PPIL3: variants seen among roughly 807,000 people sequenced by gnomAD.
The protein encoded by PPIL3 is peptidyl-prolyl cis-trans isomerase-like 3.
Under a neutral mutation model 20.9 loss-of-function variants are expected in PPIL3, and 13 were observed. That is an observed-to-expected ratio of 0.62 (90% CI 0.40 to 0.99). PPIL3 has a LOEUF of 0.99. Ranked by LOEUF, PPIL3 falls within the 50% of genes least tolerant of loss-of-function variation. The pLI is 0.00. For synonymous variants in PPIL3, 71 were observed against 64.4 expected (o/e 1.10, Z -0.49); for missense variants, 170 against 195.2 (o/e 0.87, Z 0.77).
In PPIL3 at chr2:200,888,967, C is replaced by G. The variant is rs1208746179; in HGVS notation, c.-82G>C. On this transcript the variant is annotated 5_prime_UTR_variant, in exon 1 of 7. Transcript: ENST00000392283. ...ACGTTACTCCATACTTGGGCTTCAC[C>G]ACTTCGTCTAGCACAGCCGTTGTTA... 2 of 471,070 alleles carry G rather than the reference C, an allele frequency of 4.2e-6. No homozygotes were observed. Among genetic ancestry groups the G allele is most frequent in the African/African-American group, 4.0e-5 (2 of 50,084 alleles). 29.2% of individuals were successfully genotyped at this position (471,070 alleles called of 1,614,324 possible).
intron 6 of PPIL3, among the ~76,000 whole-genome samples, chr2:200,875,979 C>T (rs553145588): frequency 6.6e-6 from 1 of 152,072 alleles, no homozygotes; most frequent in South Asian, 2.1e-4. Context: ...ATGACAGAGG[C>T]GCCTAGAACA....
intron 5 of PPIL3, among the ~76,000 whole-genome samples, chr2:200,877,323 T>C: frequency 6.6e-6 from 1 of 152,224 alleles, no homozygotes. Flanking sequence ...CCAACTTCTC[T>C]CTATTAGGGA....
At chr2:200,881,047 A>G (rs1320063083) in intron 5 of PPIL3, among the ~76,000 whole-genome samples, 1 of 152,222 alleles carries the variant, frequency 6.6e-6, no homozygotes, top group African/African-American at 2.4e-5. Context: ...AATGGGCAAC[A>G]TTGCAACCAG....
intron 6 of PPIL3, among the ~76,000 whole-genome samples, chr2:200,873,993 C>G (rs1056835009): frequency 6.6e-6 from 1 of 151,390 alleles, no homozygotes; most frequent in Non-Finnish European, 1.5e-5. Flanking sequence ...ATCACGAGGT[C>G]GGGAGATTGA....
At chr2:200,885,599 A>G in intron 3 of PPIL3, 99 bp downstream of exon 3, 1 of 791,310 alleles carries the variant, frequency 1.3e-6, no homozygotes. Context: ...ATGGTTTTAC[A>G]GAAAGTTTTG....
chr2:200,872,936 G>A (rs1165466351), intron 6 of PPIL3, among the ~76,000 whole-genome samples: 1 of 148,370 alleles, frequency 6.7e-6, no homozygotes, highest in African/African-American at 2.5e-5. Flanking sequence ...GCAATGGTGT[G>A]ATCTCGGCTC....
In PPIL3 at chr2:200,871,335, G is replaced by C. The variant is rs1367718081; in HGVS notation, c.*60C>G. ...CAATCTCTGACATAATTAAAACCGGGTAAACCACAATAAGTGTGTTCCAGC... is the reference window on the plus strand; with the variant it reads ...CAATCTCTGACATAATTAAAACCGGCTAAACCACAATAAGTGTGTTCCAGC... On this transcript the variant is annotated 3_prime_UTR_variant, in exon 7 of 7. Coordinates refer to ENST00000392283, the MANE Select transcript of PPIL3 (RefSeq NM_130906.3). 6.6e-7 allele frequency: 1 copy of C among 1,507,300 alleles called. No individual in the cohort carries two copies. The highest frequency in any genetic ancestry group is 2.3e-5 in the East Asian group (1 of 43,448). 93.4% of individuals were successfully genotyped at this position (1,507,300 alleles called of 1,614,324 possible).
chr2:200,884,240 T>C (rs2039847659), intron 3 of PPIL3, among the ~76,000 whole-genome samples: 1 of 151,900 alleles, frequency 6.6e-6, no homozygotes, highest in Admixed American at 6.6e-5. Flanking sequence ...CCATCTCTAC[T>C]AAAAATACAA....
intron 6 of PPIL3, among the ~76,000 whole-genome samples, chr2:200,873,745 C>T (rs1180554876): frequency 1.3e-5 from 2 of 151,402 alleles, no homozygotes; most frequent in Non-Finnish European, 1.5e-5. Context: ...GGATTACAAG[C>T]GTGAGTCACT....
chr2:200,871,755 T>C (rs1052486000), intron 6 of PPIL3, among the ~76,000 whole-genome samples: 15 of 152,154 alleles, frequency 9.9e-5, no homozygotes, highest in Non-Finnish European at 1.6e-4. Flanking sequence ...ATTTCCACCA[T>C]AGTACCTAAA....
chr2:200,880,546 G>A (rs965431335), intron 5 of PPIL3, among the ~76,000 whole-genome samples: 1 of 151,568 alleles, frequency 6.6e-6, no homozygotes, highest in African/African-American at 2.4e-5. Flanking sequence ...ACTATAACAG[G>A]CTAATATTTG....
intron 5 of PPIL3, among the ~76,000 whole-genome samples, chr2:200,880,832 AC>A (rs1019565613): frequency 2.6e-5 from 4 of 151,616 alleles, no homozygotes; most frequent in African/African-American, 9.7e-5. Flanking sequence ...TTAATTTTAG[AC>A]AAAAAAAAAA....
chr2:200,886,242 T>C (rs1253700156), intron 2 of PPIL3, among the ~76,000 whole-genome samples: 1 of 152,208 alleles, frequency 6.6e-6, no homozygotes, highest in Non-Finnish European at 1.5e-5. Flanking sequence ...AATTCCTTTC[T>C]CGACTAACAA....
chr2:200,887,344 C>T (rs1398648282), intron 2 of PPIL3, among the ~76,000 whole-genome samples: 2 of 138,230 alleles, frequency 1.4e-5, no homozygotes, highest in African/African-American at 2.8e-5. Flanking sequence ...GAGATTACAC[C>T]ACTGCACTCC....
chr2:200,871,570 T>C, intron 6 of PPIL3, 49 bp from the exon 7 acceptor site: 1 of 1,513,802 alleles, frequency 6.6e-7, no homozygotes, highest in Non-Finnish European at 9.1e-7. Flanking sequence ...AATTGAAACA[T>C]GATATCCATA....
intron 5 of PPIL3, among the ~76,000 whole-genome samples, chr2:200,879,976 A>C (rs1264992198): frequency 6.6e-6 from 1 of 152,228 alleles, no homozygotes; most frequent in African/African-American, 2.4e-5. Context: ...CTTTTCAAAA[A>C]GTTTATCACC....
At chr2:200,881,762 G>A in intron 4 of PPIL3, 1 of 426,318 alleles carries the variant, frequency 2.3e-6, no homozygotes, top group Non-Finnish European at 4.2e-6. Flanking sequence ...TTGTGCAGGG[G>A]CCACACTAAT....
chr2:200,889,135 C>T (rs1487381098), upstream of PPIL3: 44 of 441,992 alleles, frequency 1.0e-4, no homozygotes, highest in Admixed American at 1.2e-3. Flanking sequence ...CCTCATCTTC[C>T]TATCTCAAAC....
In PPIL3 at chr2:200,887,604, A is replaced by G. The variant is rs1390260358; in HGVS notation, c.3+9T>C. The G allele has an allele frequency of 2.5e-6, 4 of 1,600,518 alleles. No individual in the cohort carries two copies. Among genetic ancestry groups the G allele is most frequent in the Non-Finnish European group, 3.4e-6 (4 of 1,171,330 alleles). On this transcript the variant is annotated intron_variant, in intron 2 of 6. Transcript: ENST00000392283. ...GAAAGACATTAGATAAAAATTGCTC[A>G]AAACTTACCATTTTTCCTCTTAGTG...
Sources: gnomAD v4.1 joint callset for allele counts (sites outside exome capture counted in the v4.1 genomes callset) on GRCh38, gnomAD v4.1.1 for gene constraint, MANE v1.5 for transcripts, NCBI Gene and HGNC (gene_info 2026-07-23, HGNC 2026-07-21) for gene names.